Variants in SLC20A1 observed in about 807,000 individuals in gnomAD.
SLC20A1 encodes the protein sodium-dependent phosphate transporter 1.
SLC20A1 carries 28 observed loss-of-function variants against 62.7 expected under a neutral mutation model. The observed-to-expected ratio is 0.45, with a 90% CI of 0.33 to 0.61. The LOEUF is 0.61. Ranked by LOEUF, SLC20A1 falls within the 20% of genes least tolerant of loss-of-function variation. The probability of loss-of-function intolerance (pLI) is 0.02; values close to 1 mark genes in which losing one functional copy is unlikely to be tolerated. For missense variants in SLC20A1, 673 were observed against 838.6 expected (o/e 0.80, Z 2.44); for synonymous variants, 305 against 302.9 (o/e 1.01, Z -0.07).
chr2:112,646,804 T>C lies in SLC20A1; in HGVS notation c.-25T>C, dbSNP rs936178229. The C allele has an allele frequency of 6.4e-7, 1 of 1,568,428 alleles. No individual in the cohort carries two copies. The highest frequency in any genetic ancestry group is 8.7e-7 in the Non-Finnish European group (1 of 1,147,932). ...CTTGAAAGGCGCTCAGTAGTTCTCT[T>C]ACTAAACAACCACTACTCCAGAGAA... is the stretch of plus-strand genomic sequence containing the variant. On this transcript the variant is annotated 5_prime_UTR_variant, in exon 2 of 11. Transcript: ENST00000272542.
At position 112,658,971 on chromosome 2, in the gene SLC20A1, C is replaced by A. The variant is rs762192682; in HGVS notation, c.925C>A (p.Gln309Lys). 1.2e-6 allele frequency: 2 copies of A among 1,614,172 alleles called. No homozygotes were observed. The highest frequency in any genetic ancestry group is 4.5e-5 in the East Asian group (2 of 44,886). Residue 309 changes from glutamine (Q) to lysine (K), a missense_variant, in exon 7 of 11, where the codon CAG (glutamine) becomes AAG (lysine). Gln to Lys is a moderately conservative substitution (Grantham distance 53). Transcript: ENST00000272542. ...SEVGPATVPLQAVVEERTVSF... is the reference protein window; with the variant it reads ...SEVGPATVPLKAVVEERTVSF... Reference sequence around the variant, plus strand: ...GGTAGGGCCTGCCACTGTGCCCCTCCAGGCTGTGGTGGAGGAGAGAACAGT... The same window carrying A: ...GGTAGGGCCTGCCACTGTGCCCCTCAAGGCTGTGGTGGAGGAGAGAACAGT...
chr2:112,661,099 A>G, intron 9 of SLC20A1, 43 bp from the exon 10 acceptor site: 1 of 1,507,568 alleles, frequency 6.6e-7, no homozygotes, highest in African/African-American at 1.4e-5. Context: ...CTTCTCAAAA[A>G]AGTCAAACTC....
Position 112,646,877 on chromosome 2 carries a change from C to T in SLC20A1, c.49C>T (p.Pro17Ser). 2.5e-6 allele frequency: 4 copies of T among 1,612,798 alleles called. 1 individual carries two copies. The highest frequency in any genetic ancestry group is 3.4e-6 in the Non-Finnish European group (4 of 1,179,606). Residue 17 changes from proline to serine, a missense_variant, in exon 2 of 11, where the codon CCT becomes TCT. Coordinates refer to ENST00000272542, the MANE Select transcript of SLC20A1 (RefSeq NM_005415.5). The stretch of plus-strand genomic sequence containing the variant: ...TACAGCTGCTACCGCCGCTTCTGGT[C>T]CTTTGGTGGACTACCTATGGATGCT... ...STTAATAASGPLVDYLWMLIL... is the reference protein window; with the variant it reads ...STTAATAASGSLVDYLWMLIL...
At position 112,652,767 on chromosome 2, in the gene SLC20A1, C is replaced by T; in HGVS notation, c.627C>T (p.Asn209=). The change falls in exon 5 of 11, where the codon AAC becomes AAT. Residue 209 remains asparagine (N), a synonymous_variant. Coordinates refer to ENST00000272542, the MANE Select transcript of SLC20A1 (RefSeq NM_005415.5). ...TCTATGCCTGCACAGTTGGAATAAACCTCTTTTCCATCATGTATACTGGAG... is the reference window on the plus strand; with the variant it reads ...TCTATGCCTGCACAGTTGGAATAAATCTCTTTTCCATCATGTATACTGGAG... ...PVFYACTVGI[N]LFSIMYTGAP... The T allele has an allele frequency of 6.2e-7, 1 of 1,613,982 alleles. No individual in the cohort carries two copies. Among genetic ancestry groups the T allele is most frequent in the Non-Finnish European group, 8.5e-7 (1 of 1,179,862 alleles).
chr2:112,658,694 C>G, intron 6 of SLC20A1, 131 bp from the exon 7 acceptor site: 1 of 1,021,290 alleles, frequency 9.8e-7, no homozygotes, highest in East Asian at 2.5e-5. Context: ...GAAAAATGTT[C>G]CTGAATGTTA....
chr2:112,649,498 A>G (rs1013470165), intron 4 of SLC20A1, among the ~76,000 whole-genome samples: 1 of 152,192 alleles, frequency 6.6e-6, no homozygotes, highest in South Asian at 2.1e-4. Context: ...TAAAATCTGA[A>G]TATTTGACCA....
At chr2:112,649,734 A>C (rs1686385584) in intron 4 of SLC20A1, among the ~76,000 whole-genome samples, 1 of 152,184 alleles carries the variant, frequency 6.6e-6, no homozygotes, top group Non-Finnish European at 1.5e-5. Context: ...GAGTATTTTT[A>C]AATTCTAGTC....
chr2:112,659,691 TCTC>T lies in SLC20A1; in HGVS notation c.1540_1542del (p.Leu514del). The T allele has an allele frequency of 1.2e-6, 2 of 1,614,208 alleles. No homozygotes were observed. The highest frequency in any genetic ancestry group is 1.7e-6 in the Non-Finnish European group (2 of 1,180,024). On this transcript the variant is annotated inframe_deletion, in exon 8 of 11. Coordinates refer to ENST00000272542, the MANE Select transcript of SLC20A1 (RefSeq NM_005415.5). ...ATGACCAGGATAAGCCTGAAGTCTC[TCTC>T]CTCTTCCAGTTCCTGCAGATCCTTA...
Position 112,647,008 on chromosome 2 carries a change from G to A in SLC20A1, c.180G>A (p.Lys60=). Residue 60 remains lysine (K), a synonymous_variant, in exon 2 of 11, where the codon AAG becomes AAA. Coordinates refer to ENST00000272542, the MANE Select transcript of SLC20A1 (RefSeq NM_005415.5). ...TGGGCTCAGGTGTAGTGACCCTGAA[G>A]CAAGCCTGCATCCTAGCTAGCATCT... ...TAVGSGVVTL[K]QACILASIFE... is the part of the protein sequence containing the mutation. 6.2e-7 allele frequency: 1 copy of A among 1,614,160 alleles called. No homozygotes were observed. Among genetic ancestry groups the A allele is most frequent in the South Asian group, 1.1e-5 (1 of 91,074 alleles).
intron 10 of SLC20A1, among the ~76,000 whole-genome samples, chr2:112,661,620 C>G (rs1177134002): frequency 6.6e-6 from 1 of 152,148 alleles, no homozygotes; most frequent in African/African-American, 2.4e-5. Flanking sequence ...ACAATCTCGG[C>G]TCATTGCAAC....
chr2:112,652,500 A>G, intron 4 of SLC20A1: 1 of 585,658 alleles, frequency 1.7e-6, no homozygotes, highest in Non-Finnish European at 3.0e-6. Context: ...AGAAAAAAGA[A>G]AAAAAAACAG....
In SLC20A1 at chr2:112,662,876, G is replaced by C; in HGVS notation, c.1891G>C (p.Val631Leu). ...STTHCKVGSV[V>L]SVGWLRSKKA... ...GCTTCTCTTCTAGGTGGGCTCTGTT[G>C]TGTCTGTTGGCTGGCTCCGGTCCAA... Residue 631 changes from valine to leucine, a missense_variant, in exon 11 of 11, where the codon GTG becomes CTG. Transcript: ENST00000272542. 1 of 1,614,146 alleles carries C rather than the reference G, an allele frequency of 6.2e-7. No homozygotes were observed. Among genetic ancestry groups the C allele is most frequent in the Non-Finnish European group, 8.5e-7 (1 of 1,180,006 alleles).
chr2:112,650,300 G>A (rs1686399604), intron 4 of SLC20A1, among the ~76,000 whole-genome samples: 1 of 151,174 alleles, frequency 6.6e-6, no homozygotes, highest in South Asian at 2.1e-4. Context: ...GGAAATTTTT[G>A]GGGGTGGGAG....
Position 112,659,566 on chromosome 2 carries a change from G to C in SLC20A1, c.1411G>C (p.Val471Leu), listed in dbSNP as rs772919182. 5.6e-6 allele frequency: 9 copies of C among 1,614,226 alleles called. No homozygotes were observed. The Admixed American group carries it at 1.5e-4, about 27-fold the overall frequency. The change falls in exon 8 of 11, where the codon GTG (valine) becomes CTG (leucine). Residue 471 changes from valine (V) to leucine (L), a missense_variant. Transcript: ENST00000272542. ...CAGTTACACCAGTTACTGCAATGCTGTGTCTGACCTTCACTCAGCATCTGA... is the reference window on the plus strand; with the variant it reads ...CAGTTACACCAGTTACTGCAATGCTCTGTCTGACCTTCACTCAGCATCTGA... ...MDSYTSYCNA[V>L]SDLHSASEID...
At chr2:112,654,475 T>G (rs958018041) in intron 5 of SLC20A1, among the ~76,000 whole-genome samples, 15 of 152,228 alleles carry the variant, frequency 9.9e-5, no homozygotes, top group African/African-American at 3.6e-4. Flanking sequence ...CTCTTTCCTT[T>G]TTGACTTGGA....
At chr2:112,661,362 G>A (rs35056357) in intron 10 of SLC20A1, 136 bp downstream of exon 10, 126 of 590,946 alleles carry the variant, frequency 2.1e-4, no homozygotes, top group Non-Finnish European at 2.5e-4. Flanking sequence ...TATTTCTTGT[G>A]TTTATTCTTA....
At chr2:112,650,229 A>C (rs1016775871) in intron 4 of SLC20A1, among the ~76,000 whole-genome samples, 2 of 152,170 alleles carry the variant, frequency 1.3e-5, no homozygotes, top group African/African-American at 4.8e-5. Flanking sequence ...ATGGATAATC[A>C]TATTACGAAA....
chr2:112,649,394 GT>G (rs1686367557), intron 4 of SLC20A1, among the ~76,000 whole-genome samples: 1 of 152,138 alleles, frequency 6.6e-6, no homozygotes, highest in Admixed American at 6.6e-5. Context: ...AGTAACAGGA[GT>G]TTTCAGTTGA....
At chr2:112,660,261 G>A in intron 8 of SLC20A1, 126 bp from the exon 9 acceptor site, 1 of 777,508 alleles carries the variant, frequency 1.3e-6, no homozygotes, top group Non-Finnish European at 2.2e-6. Flanking sequence ...TAGAAAGAAA[G>A]GCCCTTTTGC....
Sources: allele counts gnomAD v4.1 joint callset (sites outside exome capture counted in the v4.1 genomes callset), GRCh38; gene constraint gnomAD v4.1.1; transcripts MANE v1.5; gene names NCBI Gene and HGNC (gene_info 2026-07-23, HGNC 2026-07-21).